The following ZNF536 variants were observed in gnomAD, a reference collection of about 807,000 sequenced individuals.
ZNF536 encodes zinc finger protein 536.
Under a neutral mutation model 84.5 loss-of-function variants are expected in ZNF536, and 13 were observed. That is an observed-to-expected ratio of 0.15 (90% CI 0.10 to 0.24). The LOEUF (loss-of-function observed/expected upper bound fraction) is 0.24, where lower values mean the gene tolerates loss of function less well. Ranked by LOEUF, ZNF536 falls within the 10% of genes least tolerant of loss-of-function variation. ZNF536 has a pLI of 1.00. For missense variants in ZNF536, 1,536 were observed against 1,747.5 expected, an observed-to-expected ratio of 0.88 and a Z score of 2.16; for synonymous variants, 811 against 742.5, an observed-to-expected ratio of 1.09 and a Z score of -1.50.
intron 1 of ZNF536, among the ~76,000 whole-genome samples, chr19:30,378,397 G>C (rs1358350905): frequency 6.6e-6 from 1 of 152,174 alleles, no homozygotes; most frequent in African/African-American, 2.4e-5. Context: ...CTGACCTCAG[G>C]TGATCTGCCT....
At chr19:30,461,304 G>C (rs949536301) in intron 2 of ZNF536, among the ~76,000 whole-genome samples, 9 of 152,194 alleles carry the variant, frequency 5.9e-5, no homozygotes, top group African/African-American at 2.2e-4. Context: ...TTTGGGCCAT[G>C]CTGGGAGTTG....
chr19:30,466,187 C>T (rs1488193986), intron 2 of ZNF536, among the ~76,000 whole-genome samples: 1 of 150,854 alleles, frequency 6.6e-6, no homozygotes, highest in Non-Finnish European at 1.5e-5. Flanking sequence ...CGTTCCACTG[C>T]ATTCCAGCCT....
intron 2 of ZNF536, among the ~76,000 whole-genome samples, chr19:30,500,068 A>C (rs978851322): frequency 1.4e-4 from 22 of 152,178 alleles, no homozygotes; most frequent in Non-Finnish European, 1.5e-5. Context: ...AAAGAGGGTA[A>C]TTTTTTCTAA....
chr19:30,270,461 A>T (rs569113364), intron 1 of ZNF536, among the ~76,000 whole-genome samples: 255 of 152,368 alleles, frequency 1.7e-3, no homozygotes, highest in African/African-American at 5.7e-3. Flanking sequence ...GAACAATTGC[A>T]CTTGAAGTAA....
intron 1 of ZNF536, among the ~76,000 whole-genome samples, chr19:30,428,886 G>A (rs899114136): frequency 1.3e-5 from 2 of 152,172 alleles, no homozygotes; most frequent in Admixed American, 1.3e-4. Flanking sequence ...CAAGATCAGG[G>A]TTTGGCTATG....
At chr19:30,273,577 A>T (rs2025969333) in intron 1 of ZNF536, among the ~76,000 whole-genome samples, 1 of 152,134 alleles carries the variant, frequency 6.6e-6, no homozygotes, top group African/African-American at 2.4e-5. Context: ...CCATTTTTAA[A>T]TTGGGCTGTT....
At chr19:30,563,825 G>T (rs1391672919) in intron 1 of ZNF536, among the ~76,000 whole-genome samples, 1 of 152,164 alleles carries the variant, frequency 6.6e-6, no homozygotes, top group African/African-American at 2.4e-5. Flanking sequence ...GTGGGAAGAG[G>T]GATTCCTAAG....
intron 1 of ZNF536, among the ~76,000 whole-genome samples, chr19:30,609,315 A>G (rs1448126832): frequency 6.6e-6 from 1 of 152,190 alleles, no homozygotes; most frequent in African/African-American, 2.4e-5. Context: ...CCCACAAAAT[A>G]GCTCTTGTCT....
chr19:30,556,994 A>G, intron 4 of ZNF536, 163 bp from the exon 5 acceptor site: 1 of 708,142 alleles, frequency 1.4e-6, no homozygotes, highest in Non-Finnish European at 2.4e-6. Flanking sequence ...CATGTTGACT[A>G]TTCTTGCTTT....
chr19:30,681,971 G>A (rs1190147554), intron 1 of ZNF536, among the ~76,000 whole-genome samples: 2 of 152,182 alleles, frequency 1.3e-5, no homozygotes, highest in Non-Finnish European at 2.9e-5. Context: ...TTCCGTAAGC[G>A]ATTTGTGCAT....
chr19:30,395,457 G>A (rs1008062658), intron 1 of ZNF536, among the ~76,000 whole-genome samples: 2 of 152,182 alleles, frequency 1.3e-5, no homozygotes, highest in African/African-American at 4.8e-5. Context: ...CAGAGTGATT[G>A]GTTAAGAACT....
At chr19:30,311,257 C>T (rs2046494362) in intron 2 of ZNF536, among the ~76,000 whole-genome samples, 1 of 152,146 alleles carries the variant, frequency 6.6e-6, no homozygotes, top group Admixed American at 6.5e-5. Context: ...ACCATGGTGG[C>T]CCTTCCTACT....
intron 1 of ZNF536, among the ~76,000 whole-genome samples, chr19:30,693,007 C>T (rs1466877255): frequency 6.6e-6 from 1 of 151,774 alleles, no homozygotes; most frequent in Non-Finnish European, 1.5e-5. Context: ...AGTTTAGCAG[C>T]TCCAAAACCT....
chr19:30,448,186 A>G (rs541227490), intron 2 of ZNF536, among the ~76,000 whole-genome samples: 2 of 152,270 alleles, frequency 1.3e-5, no homozygotes, highest in South Asian at 4.1e-4. Flanking sequence ...TCATATTCAA[A>G]TTAGACCCTT....
chr19:30,446,989 A>C (rs2052382971), intron 2 of ZNF536, among the ~76,000 whole-genome samples: 2 of 152,212 alleles, frequency 1.3e-5, no homozygotes, highest in African/African-American at 4.8e-5. Context: ...CCTCGCTAAT[A>C]CTGTAATCAT....
At chr19:30,432,788 G>A (rs1256731531) in intron 1 of ZNF536, among the ~76,000 whole-genome samples, 1 of 152,166 alleles carries the variant, frequency 6.6e-6, no homozygotes, top group East Asian at 1.9e-4. Context: ...GGTGTGTACA[G>A]TTTTGAAGCT....
intron 2 of ZNF536, among the ~76,000 whole-genome samples, chr19:30,287,215 G>GTGGA (rs2045660095): frequency 6.8e-6 from 1 of 146,764 alleles, no homozygotes; most frequent in African/African-American, 2.5e-5. Context: ...ACATAGATGG[G>GTGGA]TGGATGGATG....
rs73924672 is a variant in ZNF536 at position 30,664,562 on chromosome 19, C to T, written c.170-46195C>T. On this transcript the variant is annotated intron_variant, in intron 1 of 1. Transcript: ENST00000592773. The stretch of plus-strand genomic sequence containing the variant: ...AGTTGCTTAACTTCTCTGAATCTCA[C>T]CGGAAAATAGAGGAATCAAAAATAC... 1.1e-3 allele frequency among the ~76,000 whole-genome samples: 160 copies of T among 152,236 alleles called. 1 individual carries two copies. The highest frequency in any genetic ancestry group is 3.8e-3 in the African/African-American group (156 of 41,552).
chr19:30,612,829 A>T (rs2048148088), intron 1 of ZNF536, among the ~76,000 whole-genome samples: 1 of 152,218 alleles, frequency 6.6e-6, no homozygotes, highest in Non-Finnish European at 1.5e-5. Context: ...GAATTAATCT[A>T]TAGACCTTGT....
Sources: allele counts gnomAD v4.1 joint callset (sites outside exome capture counted in the v4.1 genomes callset), GRCh38; gene constraint gnomAD v4.1.1; transcripts MANE v1.5; gene names NCBI Gene and HGNC (gene_info 2026-07-23, HGNC 2026-07-21).